The following NIBAN3 variants were observed in gnomAD, a reference collection of about 807,000 sequenced individuals.
NIBAN3 encodes protein Niban 3.
A neutral mutation model predicts 76.4 loss-of-function variants in NIBAN3; 66 were observed. The observed-to-expected ratio is 0.86, with a 90% CI of 0.71 to 1.06. NIBAN3 has a LOEUF of 1.06. NIBAN3 is among the 50% of genes least tolerant of loss of function. The probability of loss-of-function intolerance (pLI) is 0.00; values close to 1 mark genes in which losing one functional copy is unlikely to be tolerated. For missense variants in NIBAN3, 808 were observed against 810.7 expected (o/e 1.00, Z 0.04); for synonymous variants, 360 against 355.2 (o/e 1.01, Z -0.15).
chr19:17,534,250 C>T (rs1455707870), intron 4 of NIBAN3, among the ~76,000 whole-genome samples: 4 of 152,164 alleles, frequency 2.6e-5, no homozygotes, highest in African/African-American at 7.2e-5. Flanking sequence ...CACGGTGGCT[C>T]ATGCCTATAA....
At chr19:17,532,648 C>A (rs1356398447) in intron 3 of NIBAN3, among the ~76,000 whole-genome samples, 2 of 152,172 alleles carry the variant, frequency 1.3e-5, no homozygotes, top group Non-Finnish European at 2.9e-5. Context: ...CCTCTTGGGG[C>A]CTTTGCAAGT....
chr19:17,554,469 C>T (rs945674594), downstream of NIBAN3, among the ~76,000 whole-genome samples: 4 of 146,838 alleles, frequency 2.7e-5, no homozygotes, highest in African/African-American at 1.1e-4. Flanking sequence ...GCCTGAGCCA[C>T]AGAGTAAGAC....
chr19:17,554,797 A>AAATAAT (rs71162154), downstream of NIBAN3, among the ~76,000 whole-genome samples: 59,172 of 137,842 alleles, frequency 0.43, 13,843 homozygotes, highest in Middle Eastern at 0.57. Context: ...AAAAAAAAGA[A>AAATAAT]AATAATAATA....
At chr19:17,547,993 A>G (rs1200669058) in intron 13 of NIBAN3, among the ~76,000 whole-genome samples, 2 of 152,174 alleles carry the variant, frequency 1.3e-5, no homozygotes, top group African/African-American at 2.4e-5. Context: ...AGACATTTAA[A>G]TTTATTCATT....
intron 5 of NIBAN3, 76 bp downstream of exon 5, chr19:17,537,619 GA>G: frequency 7.2e-7 from 1 of 1,382,038 alleles, no homozygotes; most frequent in Admixed American, 2.2e-5. Context: ...GTTGGCTCGG[GA>G]CCTCTCCAGG....
Position 17,552,097 on chromosome 19 carries a change from G to A in NIBAN3, c.*199G>A, listed in dbSNP as rs933869828. On this transcript the variant is annotated 3_prime_UTR_variant, in exon 15 of 15. Transcript: ENST00000599164. ...TTATTTTAATTTTTTTTTTTTTTTTGAGACTGAGTCTTGCTCTGTCACCCG... is the reference window on the plus strand; with the variant it reads ...TTATTTTAATTTTTTTTTTTTTTTTAAGACTGAGTCTTGCTCTGTCACCCG... The A allele has an allele frequency of 1.9e-3, 378 of 199,548 alleles. No homozygotes were observed. Among genetic ancestry groups the A allele is most frequent in the African/African-American group, 0.018 (365 of 20,044 alleles). The allele number at this position is 199,548 out of a possible 1,614,324, so 12.4% of individuals were successfully genotyped here.
At position 17,542,425 on chromosome 19, in the gene NIBAN3, T is replaced by C; in HGVS notation, c.1329+131T>C. On this transcript the variant is annotated intron_variant, in intron 10 of 14. Transcript: ENST00000599164. The surrounding 1 kb of genome is among the most constrained non-coding windows in gnomAD (Gnocchi z 4.8). Reference sequence around the variant, plus strand: ...CGGGGCTGCCAGTCTCATGGGGACATGAGCCCGTGACCAGGCAGCAGCCAC... The same window carrying C: ...CGGGGCTGCCAGTCTCATGGGGACACGAGCCCGTGACCAGGCAGCAGCCAC... 6 of 996,670 alleles carry C rather than the reference T, an allele frequency of 6.0e-6. No individual in the cohort carries two copies. The South Asian group carries it at 6.5e-5, about 11-fold the overall frequency. The allele number at this position is 996,670 out of a possible 1,614,324, so 61.7% of individuals were successfully genotyped here. A position where few individuals can be genotyped will look rare whatever the true frequency, so the allele number is the denominator to read the frequency against.
chr19:17,523,481 CTGAG>C, upstream of NIBAN3: 1 of 1,556,890 alleles, frequency 6.4e-7, no homozygotes, highest in Non-Finnish European at 8.7e-7. Flanking sequence ...GCAAAGAGAG[CTGAG>C]CGGAAGCTCA....
In NIBAN3 at chr19:17,542,069, TG is replaced by T; in HGVS notation, c.1171-63del. ...TGTTTCTCCTTTGGTGAATTGGTAA[TG>T]GGGTCCCTGGCCCTTTGCAATCAGC... On this transcript the variant is annotated intron_variant, in intron 9 of 14. Coordinates refer to ENST00000599164, the MANE Select transcript of NIBAN3 (RefSeq NM_001321827.2). This position sits in a 1 kb window ranked among gnomAD's most constrained non-coding sequence, Gnocchi z 4.8. The T allele has an allele frequency of 6.4e-7, 1 of 1,573,614 alleles. No individual in the cohort carries two copies. Among genetic ancestry groups the T allele is most frequent in the Non-Finnish European group, 8.7e-7 (1 of 1,145,522 alleles).
In NIBAN3 at chr19:17,527,268, G is replaced by A. The variant is rs1293677882; in HGVS notation, c.-73G>A. The A allele has an allele frequency of 6.4e-7, 1 of 1,550,500 alleles. No individual in the cohort carries two copies. The highest frequency in any genetic ancestry group is 1.8e-4 in the Middle Eastern group (1 of 5,616). ...GACCAAGCCTCTCACCCGCCATCCA[G>A]GTGCCCCTGAGCCGAGGAACGCAGG... is the stretch of plus-strand genomic sequence containing the variant. On this transcript the variant is annotated 5_prime_UTR_variant, in exon 1 of 15. Transcript: ENST00000599164.
chr19:17,539,717 G>A lies in NIBAN3; in HGVS notation c.931G>A (p.Val311Met), dbSNP rs762563660. The A allele has an allele frequency of 2.6e-6, 4 of 1,547,208 alleles. No individual in the cohort carries two copies. The African/African-American group carries it at 4.1e-5, about 16-fold the overall frequency. ...GCTGGAGAAGACGATCCGCCCGGACGTGGACCAGCTGCTGCGGCAGCGGGC... is the reference window on the plus strand; with the variant it reads ...GCTGGAGAAGACGATCCGCCCGGACATGGACCAGCTGCTGCGGCAGCGGGC... ...ASLEKTIRPD[V>M]DQLLRQRARV... The change falls in exon 8 of 15, where the codon GTG becomes ATG. Residue 311 changes from valine to methionine, a missense_variant. Coordinates refer to ENST00000599164, the MANE Select transcript of NIBAN3 (RefSeq NM_001321827.2).
chr19:17,555,509 G>A (rs1477022163), downstream of NIBAN3: 2 of 341,856 alleles, frequency 5.9e-6, no homozygotes, highest in Non-Finnish European at 4.6e-6. Context: ...AGATCGGTGC[G>A]GGGGCGGGGC....
intron 4 of NIBAN3, among the ~76,000 whole-genome samples, chr19:17,537,170 T>A (rs2075839199): frequency 1.3e-5 from 2 of 152,134 alleles, no homozygotes; most frequent in African/African-American, 4.8e-5. Flanking sequence ...ATGTCTGCCT[T>A]GGGCATGCAG....
rs2075771578 is a variant in NIBAN3, at chr19:17,533,619, A to C, written c.345A>C (p.Ser115=). The part of the protein sequence containing the change: ...EYENGGHCLG[S]TALTGYTLLT... ...AAAACGGGGGCCACTGCCTTGGCTC[A>C]ACAGCCCTGACAGGATACACGCTCC... The change falls in exon 4 of 15, where the codon TCA becomes TCC. Residue 115 remains serine (S), a synonymous_variant. Transcript: ENST00000599164. 2 of 1,614,128 alleles carry C rather than the reference A, an allele frequency of 1.2e-6. No homozygotes were observed. The highest frequency in any genetic ancestry group is 4.5e-5 in the East Asian group (2 of 44,884).
chr19:17,546,110 T>C (rs1023002528), intron 12 of NIBAN3: 3 of 227,520 alleles, frequency 1.3e-5, no homozygotes, highest in Admixed American at 4.5e-5. Flanking sequence ...CTTCTGGTCA[T>C]ACCTCACTAT....
chr19:17,549,771 C>T, intron 14 of NIBAN3: 1 of 580,244 alleles, frequency 1.7e-6, no homozygotes, highest in Non-Finnish European at 3.1e-6. Flanking sequence ...TGAGCTCAGC[C>T]CTGGGGGGCT....
rs2076182951 is a variant in NIBAN3 at position 17,553,261 on chromosome 19, T to A, written c.*1363T>A. On this transcript the variant is annotated 3_prime_UTR_variant, in exon 15 of 15. Coordinates refer to ENST00000599164, the MANE Select transcript of NIBAN3 (RefSeq NM_001321827.2). ...AACGCTTTGTGATACAGGTTACAGA[T>A]TTTGGGGTTTTTTTCTCCGCTTGCT... The A allele has an allele frequency of 6.3e-7, 1 of 1,595,540 alleles. No homozygotes were observed. Among genetic ancestry groups the A allele is most frequent in the Non-Finnish European group, 8.5e-7 (1 of 1,170,406 alleles).
At chr19:17,529,343 TA>T (rs1401832456) in intron 1 of NIBAN3, among the ~76,000 whole-genome samples, 1 of 152,022 alleles carries the variant, frequency 6.6e-6, no homozygotes, top group Non-Finnish European at 1.5e-5. Context: ...GGCAGGCTAG[TA>T]AAAGTTAGAC....
chr19:17,538,748 GAAAGAAAGAA>G (rs977892320), intron 5 of NIBAN3, among the ~76,000 whole-genome samples: 2 of 74,336 alleles, frequency 2.7e-5, no homozygotes, highest in Non-Finnish European at 5.3e-5. Flanking sequence ...GAAAGAAAGA[GAAAGAAAGAA>G]AGAGAGGGAG....
Sources: allele counts gnomAD v4.1 joint callset (sites outside exome capture counted in the v4.1 genomes callset), GRCh38; gene constraint gnomAD v4.1.1; non-coding constraint Gnocchi (gnomAD v3.1); transcripts MANE v1.5; gene names NCBI Gene and HGNC (gene_info 2026-07-23, HGNC 2026-07-21).